The following MAP3K13 variants were observed in gnomAD, a reference collection of about 807,000 sequenced individuals.
MAP3K13 encodes mitogen-activated protein kinase kinase kinase 13, also known as leucine zipper-bearing kinase.
In MAP3K13, 52 loss-of-function variants were observed where a neutral mutation model predicts 104.0. The ratio of observed to expected loss-of-function variants is 0.50; its 90% CI spans 0.40 to 0.63. The LOEUF (loss-of-function observed/expected upper bound fraction) is 0.63, where lower values mean the gene tolerates loss of function less well. Among genes scored for constraint, MAP3K13 ranks in the 20% least tolerant of loss-of-function variants. The probability of loss-of-function intolerance (pLI) is 0.00; values close to 1 mark genes in which losing one functional copy is unlikely to be tolerated. For synonymous variants in MAP3K13, 394 were observed against 442.2 expected, an observed-to-expected ratio of 0.89 and a Z score of 1.37; for missense variants, 914 against 1,218.5, an observed-to-expected ratio of 0.75 and a Z score of 3.72.
intron 2 of MAP3K13, among the ~76,000 whole-genome samples, chr3:185,430,857 C>T (rs1204787563): frequency 6.6e-6 from 1 of 151,998 alleles, no homozygotes; most frequent in Non-Finnish European, 1.5e-5. Context: ...TGTATTAATC[C>T]ATGTTCACAC....
upstream of MAP3K13, among the ~76,000 whole-genome samples, chr3:185,361,229 T>C (rs1463868878): frequency 6.6e-6 from 1 of 150,654 alleles, no homozygotes; most frequent in Non-Finnish European, 1.5e-5. Flanking sequence ...GGCTATTTTA[T>C]TGACATAGTC....
intron 2 of MAP3K13, among the ~76,000 whole-genome samples, chr3:185,431,928 T>A (rs932314034): frequency 6.6e-6 from 1 of 152,176 alleles, no homozygotes; most frequent in African/African-American, 2.4e-5. Context: ...AAATTCTTCG[T>A]CAGTCCCTGG....
At position 185,423,900 on chromosome 3, in the gene MAP3K13, G is replaced by A. The variant is rs1049754657; in HGVS notation, c.-85-4597G>A. On this transcript the variant is annotated intron_variant, in intron 1 of 13. Coordinates refer to ENST00000265026, the MANE Select transcript of MAP3K13 (RefSeq NM_004721.5). This position sits in a 1 kb window ranked among gnomAD's most constrained non-coding sequence, Gnocchi z 4.1. ...CCTGCCTCTGCCAGTGCTCTTGTTC[G>A]CCCCTGATTTCCTTCCGTCTGTCAC... Among the ~76,000 whole-genome samples the A allele has an allele frequency of 2.6e-5, 4 of 152,062 alleles. No individual in the cohort carries two copies. The highest frequency in any genetic ancestry group is 4.4e-5 in the Non-Finnish European group (3 of 68,014).
chr3:185,468,793 C>A (rs532607041), intron 10 of MAP3K13, among the ~76,000 whole-genome samples: 1 of 152,222 alleles, frequency 6.6e-6, no homozygotes, highest in African/African-American at 2.4e-5. Flanking sequence ...CCACCTGACA[C>A]AATCCTTGGG....
At chr3:185,332,254 T>G (rs1480133316) in intron 2 of MAP3K13, among the ~76,000 whole-genome samples, 2 of 151,864 alleles carry the variant, frequency 1.3e-5, no homozygotes, top group African/African-American at 4.8e-5. Context: ...GAGTACTGTT[T>G]CTCATATCCT....
At chr3:185,411,104 T>C (rs1281043267) in intron 1 of MAP3K13, among the ~76,000 whole-genome samples, 1 of 152,174 alleles carries the variant, frequency 6.6e-6, no homozygotes. Context: ...AAAAGGGCCC[T>C]TGGTTTTTCC....
intron 1 of MAP3K13, among the ~76,000 whole-genome samples, chr3:185,389,238 C>A (rs1711889164): frequency 6.6e-6 from 1 of 152,150 alleles, no homozygotes; most frequent in Admixed American, 6.5e-5. Flanking sequence ...TGTACACAAT[C>A]CCATTCTTTC....
At chr3:185,351,526 G>A (rs748900518) in intron 2 of MAP3K13, among the ~76,000 whole-genome samples, 2 of 152,116 alleles carry the variant, frequency 1.3e-5, no homozygotes, top group African/African-American at 4.8e-5. Context: ...AAGATCCCAG[G>A]AGACTGGTAA....
chr3:185,446,442 G>T (rs1715599608), intron 4 of MAP3K13, among the ~76,000 whole-genome samples: 1 of 151,944 alleles, frequency 6.6e-6, no homozygotes, highest in Non-Finnish European at 1.5e-5. Context: ...TTAAACATAG[G>T]TCCCTAGATC....
At chr3:185,363,935 A>G (rs1050900748) in intron 1 of MAP3K13, among the ~76,000 whole-genome samples, 2 of 152,222 alleles carry the variant, frequency 1.3e-5, no homozygotes, top group African/African-American at 4.8e-5. Context: ...GTGTATTTAT[A>G]TATATTCATA....
intron 2 of MAP3K13, among the ~76,000 whole-genome samples, chr3:185,429,939 C>A (rs1192154065): frequency 1.3e-5 from 2 of 152,142 alleles, no homozygotes; most frequent in African/African-American, 4.8e-5. Flanking sequence ...GTGGCTCAAG[C>A]CTGTAATCAC....
chr3:185,291,519 G>A, intron 2 of MAP3K13: 1 of 1,141,022 alleles, frequency 8.8e-7, no homozygotes, highest in Non-Finnish European at 1.2e-6. Context: ...CTAGTAATCT[G>A]ATTAATTACT....
chr3:185,411,704 T>G (rs1451431408), intron 1 of MAP3K13, among the ~76,000 whole-genome samples: 1 of 152,042 alleles, frequency 6.6e-6, no homozygotes, highest in Non-Finnish European at 1.5e-5. Flanking sequence ...TATATGCAAC[T>G]TTTTAGGAGC....
intron 1 of MAP3K13, among the ~76,000 whole-genome samples, chr3:185,396,058 A>C (rs534747059): frequency 6.6e-6 from 1 of 152,234 alleles, no homozygotes; most frequent in South Asian, 2.1e-4. Flanking sequence ...GAGTATATAC[A>C]AATATACTGA....
Position 185,482,543 on chromosome 3 carries a change from CAT to C in MAP3K13, c.*88_*89del, listed in dbSNP as rs1396406699. The C allele has an allele frequency of 1.0e-6, 1 of 996,418 alleles. No individual in the cohort carries two copies. The highest frequency in any genetic ancestry group is 1.6e-6 in the Non-Finnish European group (1 of 640,958). 61.7% of individuals were successfully genotyped at this position (996,418 alleles called of 1,614,324 possible). ...CCAGACTCATCCCACTCTCTCCCAGCATTTTGTCTGGGAAGAGAGACTACCCC... is the reference window on the plus strand; with the variant it reads ...CCAGACTCATCCCACTCTCTCCCAGCTTTGTCTGGGAAGAGAGACTACCCC... On this transcript the variant is annotated 3_prime_UTR_variant, in exon 14 of 14. Coordinates refer to ENST00000265026, the MANE Select transcript of MAP3K13 (RefSeq NM_004721.5). This position sits in a 1 kb window ranked among gnomAD's most constrained non-coding sequence, Gnocchi z 4.5.
intron 2 of MAP3K13, among the ~76,000 whole-genome samples, chr3:185,357,867 G>A (rs1723432876): frequency 6.6e-6 from 1 of 152,130 alleles, no homozygotes; most frequent in African/African-American, 2.4e-5. Flanking sequence ...CAGCTGGCTA[G>A]ATATTTTATT....
chr3:185,321,231 CAT>C (rs1050635634), intron 2 of MAP3K13, among the ~76,000 whole-genome samples: 9 of 152,036 alleles, frequency 5.9e-5, no homozygotes, highest in Non-Finnish European at 1.2e-4. Context: ...CGTGCACACA[CAT>C]ATACACGTGT....
In MAP3K13 at chr3:185,466,876, C is replaced by CTGT; in HGVS notation, c.1558_1560dup (p.Val520dup). The CTGT allele has an allele frequency of 1.2e-6, 2 of 1,613,976 alleles. No homozygotes were observed. On this transcript the variant is annotated inframe_insertion, in exon 10 of 14. Coordinates refer to ENST00000265026, the MANE Select transcript of MAP3K13 (RefSeq NM_004721.5). ...TATCCTGGGACCTACAAACGACACC[C>CTGT]TGTTCGTCCTATCATCCATCCCAAT...
Position 185,418,281 on chromosome 3 carries a change from T to G in MAP3K13, c.-85-10216T>G. The G allele has an allele frequency of 1.3e-6, 2 of 1,582,364 alleles. No individual in the cohort carries two copies. The highest frequency in any genetic ancestry group is 8.7e-7 in the Non-Finnish European group (1 of 1,152,798). On this transcript the variant is annotated intron_variant, in intron 1 of 13. Coordinates refer to ENST00000265026, the MANE Select transcript of MAP3K13 (RefSeq NM_004721.5). The surrounding 1 kb of genome is among the most constrained non-coding windows in gnomAD (Gnocchi z 4.5). ...TAAGTTTCTTAAGGAGCAAAACAGC[T>G]TCCTTGGTCTTCTTGTAGCCTTCAA...
Sources: allele counts gnomAD v4.1 joint callset (sites outside exome capture counted in the v4.1 genomes callset), GRCh38; gene constraint gnomAD v4.1.1; non-coding constraint Gnocchi (gnomAD v3.1); transcripts MANE v1.5; gene names NCBI Gene and HGNC (gene_info 2026-07-23, HGNC 2026-07-21).